TMCO4: variants seen among roughly 807,000 people sequenced by gnomAD.
TMCO4 encodes the protein transmembrane and coiled-coil domains 4.
TMCO4 carries 58 observed loss-of-function variants against 64.7 expected under a neutral mutation model. The ratio of observed to expected loss-of-function variants is 0.90; its 90% CI spans 0.73 to 1.12. The LOEUF (loss-of-function observed/expected upper bound fraction) is 1.12, where lower values mean the gene tolerates loss of function less well. TMCO4 is among the 50% of genes most tolerant of loss of function. The pLI, the probability that TMCO4 is intolerant of heterozygous loss-of-function variation, is 0.00. For synonymous variants in TMCO4, 325 were observed against 346.1 expected (o/e 0.94, Z 0.68); for missense variants, 780 against 825.9 (o/e 0.94, Z 0.68).
chr1:19,740,681 G>T, intron 11 of TMCO4, 96 bp downstream of exon 11: 1 of 1,406,886 alleles, frequency 7.1e-7, no homozygotes, highest in Non-Finnish European at 9.7e-7. Flanking sequence ...CACGGTGCCT[G>T]CCCTGGGGGC....
In TMCO4 at chr1:19,745,740, G is replaced by C. The variant is rs2041746258; in HGVS notation, c.758-89C>G. On this transcript the variant is annotated intron_variant, in intron 9 of 15. Transcript: ENST00000294543. Reference sequence around the variant, plus strand: ...CTGTATGTTCTCACACATGCACACAGTGAGCACCATCTGTGTGCCCTGCCC... The same window carrying C: ...CTGTATGTTCTCACACATGCACACACTGAGCACCATCTGTGTGCCCTGCCC... 3 of 1,485,238 alleles carry C rather than the reference G, an allele frequency of 2.0e-6. No individual in the cohort carries two copies. In the East Asian group the frequency reaches 7.0e-5, roughly 34 times the overall value. The allele number at this position is 1,485,238 out of a possible 1,614,324, so 92.0% of individuals were successfully genotyped here. A position where few individuals can be genotyped will look rare whatever the true frequency, so the allele number is the denominator to read the frequency against.
At chr1:19,688,724 A>G (rs1039358554) in intron 15 of TMCO4, among the ~76,000 whole-genome samples, 5 of 152,230 alleles carry the variant, frequency 3.3e-5, no homozygotes, top group African/African-American at 1.2e-4. Flanking sequence ...TCACACCTGT[A>G]CAACGGGTTA....
In TMCO4 at chr1:19,724,370, T is replaced by C. The variant is rs556831075; in HGVS notation, c.1264+13002A>G. Among the ~76,000 whole-genome samples, 3 of 152,334 alleles carry C rather than the reference T, an allele frequency of 2.0e-5. No individual in the cohort carries two copies. The South Asian group carries it at 6.2e-4, about 32-fold the overall frequency. On this transcript the variant is annotated intron_variant, in intron 13 of 15. Coordinates refer to ENST00000294543, the MANE Select transcript of TMCO4 (RefSeq NM_181719.7). Reference sequence around the variant, plus strand: ...AGGCTGGAGTTGAACCCAGGTTCACTATTTGTAAATTGCTGCAGCTCTTTG... The same window carrying C: ...AGGCTGGAGTTGAACCCAGGTTCACCATTTGTAAATTGCTGCAGCTCTTTG...
chr1:19,739,526 T>A (rs1238125701), intron 12 of TMCO4, among the ~76,000 whole-genome samples: 1 of 152,212 alleles, frequency 6.6e-6, no homozygotes, highest in African/African-American at 2.4e-5. Flanking sequence ...GAAGAGCTGA[T>A]ACATAGGAGC....
intron 3 of TMCO4, among the ~76,000 whole-genome samples, chr1:19,785,914 G>A (rs60116217): frequency 0.029 from 4,429 of 152,264 alleles, 233 homozygotes; most frequent in African/African-American, 0.1. Context: ...CAGGCTGGGT[G>A]GAGAGGTATT....
intron 11 of TMCO4, among the ~76,000 whole-genome samples, 162 bp downstream of exon 11, chr1:19,740,615 T>C (rs1206983433): frequency 6.6e-6 from 1 of 152,234 alleles, no homozygotes; most frequent in Non-Finnish European, 1.5e-5. Flanking sequence ...ATAGGGATCA[T>C]AAACTTCCCC....
At chr1:19,775,500 T>C (rs965011732) in intron 4 of TMCO4, among the ~76,000 whole-genome samples, 2 of 152,226 alleles carry the variant, frequency 1.3e-5, no homozygotes, top group Admixed American at 1.3e-4. Flanking sequence ...CTTAGAAAAC[T>C]ACAGCTAACC....
At chr1:19,747,355 G>A (rs1557560053) in intron 7 of TMCO4, 95 bp from the exon 8 acceptor site, 2 of 1,051,506 alleles carry the variant, frequency 1.9e-6, no homozygotes, top group Non-Finnish European at 1.5e-6. Flanking sequence ...GCCAATGCTG[G>A]GTAGCTACTC....
chr1:19,718,134 A>T (rs1570743107), intron 13 of TMCO4, among the ~76,000 whole-genome samples: 1 of 152,012 alleles, frequency 6.6e-6, no homozygotes, highest in Non-Finnish European at 1.5e-5. Context: ...GGAGTTCAAG[A>T]CCAGCCTGGC....
intron 12 of TMCO4, 84 bp downstream of exon 12, chr1:19,739,740 C>A: frequency 6.5e-7 from 1 of 1,543,974 alleles, no homozygotes. Flanking sequence ...GTAGCCTTGC[C>A]TCTAAGGCTG....
At chr1:19,744,419 T>C (rs912412451) in intron 10 of TMCO4, among the ~76,000 whole-genome samples, 2 of 152,226 alleles carry the variant, frequency 1.3e-5, no homozygotes, top group African/African-American at 2.4e-5. Context: ...AAGGTGGCAG[T>C]AATTTGTTCC....
At position 19,683,463 on chromosome 1, in the gene TMCO4, G is replaced by A. The variant is rs1192891396; in HGVS notation, c.1501-19C>T. On this transcript the variant is annotated intron_variant, in intron 15 of 15. Transcript: ENST00000294543. Reference sequence around the variant, plus strand: ...CGCTGACCTGCAGGAGACAGTGAGTGAGCACCACCGTGGGTGTGCAGAGCC... The same window carrying A: ...CGCTGACCTGCAGGAGACAGTGAGTAAGCACCACCGTGGGTGTGCAGAGCC... The A allele has an allele frequency of 2.5e-6, 4 of 1,610,882 alleles. No homozygotes were observed. In the Admixed American group the frequency reaches 6.7e-5, roughly 27 times the overall value.
intron 4 of TMCO4, among the ~76,000 whole-genome samples, chr1:19,773,198 T>G (rs952138515): frequency 6.6e-6 from 1 of 151,620 alleles, no homozygotes; most frequent in Non-Finnish European, 1.5e-5. Flanking sequence ...CAAAAATAAA[T>G]AAAAATAAAA....
At chr1:19,700,713 A>G in intron 14 of TMCO4, 55 bp downstream of exon 14, 1 of 1,434,212 alleles carries the variant, frequency 7.0e-7, no homozygotes, top group Non-Finnish European at 9.8e-7. Flanking sequence ...GCCTGGGCAT[A>G]CTAAGTGCTC....
chr1:19,714,916 T>C (rs187111854), intron 13 of TMCO4, among the ~76,000 whole-genome samples: 4 of 151,422 alleles, frequency 2.6e-5, no homozygotes. Flanking sequence ...AGAGTGAAAC[T>C]TCATCTCAAA....
intron 9 of TMCO4, among the ~76,000 whole-genome samples, 157 bp from the exon 10 acceptor site, chr1:19,745,808 C>T (rs553871957): frequency 6.6e-6 from 1 of 152,276 alleles, no homozygotes; most frequent in South Asian, 2.1e-4. Flanking sequence ...AAGGTAGGTG[C>T]CACTATTGTC....
At chr1:19,683,516 A>C in intron 15 of TMCO4, 72 bp from the exon 16 acceptor site, 19 of 1,550,664 alleles carry the variant, frequency 1.2e-5, no homozygotes, top group Admixed American at 1.8e-5. Flanking sequence ...CTCCGGCCAA[A>C]CTTCTGGGCC....
At chr1:19,699,486 C>CATACATAT (rs1205975029) in intron 14 of TMCO4, among the ~76,000 whole-genome samples, 1 of 136,416 alleles carries the variant, frequency 7.3e-6, no homozygotes, top group African/African-American at 2.7e-5. Flanking sequence ...TTTTCATATA[C>CATACATAT]ATATATATAT....
rs1488360504 is a variant in TMCO4 at position 19,743,904 on chromosome 1, T to C, written c.877+1628A>G. 6.6e-6 allele frequency among the ~76,000 whole-genome samples: 1 copy of C among 152,148 alleles called. No homozygotes were observed. Among genetic ancestry groups the C allele is most frequent in the Non-Finnish European group, 1.5e-5 (1 of 68,030 alleles). ...TTTCTAGGAGGTAACCATACCAAGT[T>C]CCTACTATGCTGGTAAAATGCCAGA... On this transcript the variant is annotated intron_variant, in intron 10 of 15. Transcript: ENST00000294543. This position sits in a 1 kb window ranked among gnomAD's most constrained non-coding sequence, Gnocchi z 4.1.
Sources: allele counts gnomAD v4.1 joint callset (sites outside exome capture counted in the v4.1 genomes callset), GRCh38; gene constraint gnomAD v4.1.1; non-coding constraint Gnocchi (gnomAD v3.1); transcripts MANE v1.5; gene names NCBI Gene and HGNC (gene_info 2026-07-23, HGNC 2026-07-21).